The following ANO2 variants were observed in gnomAD, a reference collection of about 807,000 sequenced individuals.
The protein encoded by ANO2 is anoctamin-2.
ANO2 carries 101 observed loss-of-function variants against 124.2 expected under a neutral mutation model. The observed-to-expected ratio is 0.81, with a 90% CI of 0.69 to 0.96. ANO2 has a LOEUF of 0.96. Ranked by LOEUF, ANO2 falls within the 40% of genes least tolerant of loss-of-function variation. ANO2 has a pLI of 0.00. For missense variants in ANO2, 1,293 were observed against 1,274.5 expected, an observed-to-expected ratio of 1.01 and a Z score of -0.22; for synonymous variants, 486 against 482.5, an observed-to-expected ratio of 1.01 and a Z score of -0.09.
intron 3 of ANO2, among the ~76,000 whole-genome samples, chr12:5,915,161 C>T (rs1028981010): frequency 5.9e-5 from 9 of 152,220 alleles, no homozygotes; most frequent in African/African-American, 1.9e-4. Context: ...AGGGTGCAGA[C>T]GTCTCTGTCA....
chr12:5,733,968 T>C (rs1950753080), intron 13 of ANO2, among the ~76,000 whole-genome samples: 1 of 152,252 alleles, frequency 6.6e-6, no homozygotes. Context: ...TGTATTATTC[T>C]ATGTTTTGCA....
chr12:5,719,767 A>G (rs1427223785), intron 14 of ANO2, among the ~76,000 whole-genome samples: 2 of 152,218 alleles, frequency 1.3e-5, no homozygotes, highest in Non-Finnish European at 2.9e-5. Flanking sequence ...CTCACCCCTC[A>G]TGCAATACCA....
At chr12:5,898,866 T>C (rs750196120) in intron 3 of ANO2, among the ~76,000 whole-genome samples, 5 of 152,184 alleles carry the variant, frequency 3.3e-5, no homozygotes, top group Non-Finnish European at 5.9e-5. Context: ...CAATAAAAAT[T>C]TGTGTACTAT....
chr12:5,874,104 CA>C (rs1323976136), intron 3 of ANO2, among the ~76,000 whole-genome samples: 1 of 152,220 alleles, frequency 6.6e-6, no homozygotes, highest in Non-Finnish European at 1.5e-5. Context: ...TGCCCTCAAA[CA>C]GCTTTTAGAC....
chr12:5,916,267 G>A (rs1002104855), intron 3 of ANO2, among the ~76,000 whole-genome samples: 3 of 151,974 alleles, frequency 2.0e-5, no homozygotes, highest in Admixed American at 2.0e-4. Flanking sequence ...ACAGAGTGAG[G>A]CCTGGTCTCA....
At chr12:5,841,326 C>T (rs1053372696) in intron 4 of ANO2, among the ~76,000 whole-genome samples, 40 of 152,160 alleles carry the variant, frequency 2.6e-4, no homozygotes, top group Admixed American at 2.6e-3. Flanking sequence ...TCCCCTCCAC[C>T]CCACCTGTGT....
chr12:5,922,564 G>A, intron 2 of ANO2, 56 bp downstream of exon 2: 2 of 1,479,540 alleles, frequency 1.4e-6, no homozygotes, highest in Non-Finnish European at 1.8e-6. Flanking sequence ...GAGGCTCCTT[G>A]GTGGCCTGCA....
chr12:5,709,612 T>G (rs1171668326), intron 14 of ANO2, among the ~76,000 whole-genome samples: 1 of 152,224 alleles, frequency 6.6e-6, no homozygotes, highest in African/African-American at 2.4e-5. Flanking sequence ...TCTTCCTCCT[T>G]GGCATCCTCG....
intron 16 of ANO2, among the ~76,000 whole-genome samples, chr12:5,616,877 A>C (rs1944835299): frequency 6.6e-6 from 1 of 151,984 alleles, no homozygotes. Flanking sequence ...CATCCTCCAG[A>C]CCACACAGTA....
intron 4 of ANO2, among the ~76,000 whole-genome samples, chr12:5,851,286 A>AT (rs1954889181): frequency 6.6e-6 from 1 of 152,256 alleles, no homozygotes; most frequent in Admixed American, 6.5e-5. Flanking sequence ...TCTAAAAAGC[A>AT]TAAGCATGTG....
At chr12:5,921,701 C>T (rs901292698) in intron 2 of ANO2, among the ~76,000 whole-genome samples, 1 of 152,060 alleles carries the variant, frequency 6.6e-6, no homozygotes, top group Non-Finnish European at 1.5e-5. Flanking sequence ...GAACCACACG[C>T]CCACGCCTGC....
chr12:5,672,589 GTGTGTGTGTGCACATGCA>G (rs55746687), intron 14 of ANO2, among the ~76,000 whole-genome samples: 66,965 of 151,282 alleles, frequency 0.44, 16,251 homozygotes, highest in Middle Eastern at 0.61. Flanking sequence ...TCGTGTGTGT[GTGTGTGTGTGCACATGCA>G]TGTGTGTGTG....
intron 4 of ANO2, among the ~76,000 whole-genome samples, chr12:5,848,366 T>A (rs202209665): frequency 1.8e-5 from 2 of 109,868 alleles, no homozygotes; most frequent in African/African-American, 3.1e-5. Flanking sequence ...CTTCCCCCCC[T>A]CCCCAGTTAC....
intron 14 of ANO2, among the ~76,000 whole-genome samples, chr12:5,688,944 T>A (rs1243298837): frequency 8.6e-5 from 13 of 151,610 alleles, no homozygotes. Context: ...GAAGTGCAAG[T>A]CTTATGATCT....
At chr12:5,591,559 G>A (rs749869909) in intron 20 of ANO2, among the ~76,000 whole-genome samples, 37 of 152,182 alleles carry the variant, frequency 2.4e-4, no homozygotes, top group Admixed American at 7.9e-4. Flanking sequence ...GGCAGCTAAG[G>A]GAAATTCAGC....
chr12:5,897,567 A>G lies in ANO2; in HGVS notation c.534+23473T>C, dbSNP rs147157347. On this transcript the variant is annotated intron_variant, in intron 3 of 24. Coordinates refer to ENST00000682330, the MANE Select transcript of ANO2 (RefSeq NM_001364791.2). ...ATAGTCAAACAGACTAAGAGAATAAAATAAAGTCCAGAAGCAGATCCCATA... is the reference window on the plus strand; with the variant it reads ...ATAGTCAAACAGACTAAGAGAATAAGATAAAGTCCAGAAGCAGATCCCATA... Among the ~76,000 whole-genome samples, 242 of 152,302 alleles carry G rather than the reference A, an allele frequency of 1.6e-3. 1 individual carries two copies. The highest frequency in any genetic ancestry group is 5.5e-3 in the African/African-American group (228 of 41,562).
At chr12:5,880,052 C>T (rs1328448628) in intron 3 of ANO2, among the ~76,000 whole-genome samples, 3 of 151,990 alleles carry the variant, frequency 2.0e-5, no homozygotes, top group Admixed American at 6.6e-5. Context: ...GAAACAGATA[C>T]GGGAAATGGA....
chr12:5,572,925 T>C lies in ANO2; in HGVS notation c.2621+2909A>G, dbSNP rs1942207867. On this transcript the variant is annotated intron_variant, in intron 23 of 24. Transcript: ENST00000682330. ...TGCATGGGAATAATGGGGAGACAAC[T>C]ATCAGAGCCTTATAGCTGGCCGGAA... 1.3e-5 allele frequency among the ~76,000 whole-genome samples: 2 copies of C among 152,148 alleles called. 1 individual carries two copies. Among genetic ancestry groups the C allele is most frequent in the South Asian group, 4.1e-4 (2 of 4,830 alleles).
rs201406615 is a variant in ANO2, at chr12:5,744,196, G to T, written c.1312C>A (p.Pro438Thr). The T allele has an allele frequency of 6.2e-7, 1 of 1,613,122 alleles. No individual in the cohort carries two copies. The highest frequency in any genetic ancestry group is 8.5e-7 in the Non-Finnish European group (1 of 1,179,882). The change falls in exon 12 of 25, where the codon CCT becomes ACT. Residue 438 changes from proline (P) to threonine (T), a missense_variant. Physicochemically the swap from Pro to Thr is conservative, Grantham distance 38. Coordinates refer to ENST00000682330, the MANE Select transcript of ANO2 (RefSeq NM_001364791.2). ...AAGATAGAGAAGAAGACGGTGGCAGGGTTGTCAAACAGGTGGCTGGCCTGC... is the reference window on the plus strand; with the variant it reads ...AAGATAGAGAAGAAGACGGTGGCAGTGTTGTCAAACAGGTGGCTGGCCTGC... ...TAQASHLFDN[P>T]ATVFFSIFMA...
Sources: allele counts gnomAD v4.1 joint callset (sites outside exome capture counted in the v4.1 genomes callset), GRCh38; gene constraint gnomAD v4.1.1; transcripts MANE v1.5; gene names NCBI Gene and HGNC (gene_info 2026-07-23, HGNC 2026-07-21).